CLUL1: variants seen among roughly 807,000 people sequenced by gnomAD.
CLUL1 encodes the protein clusterin like 1, also known as clusterin-like protein 1.
Under a neutral mutation model 49.4 loss-of-function variants are expected in CLUL1, and 43 were observed. That is an observed-to-expected ratio of 0.87 (90% confidence interval 0.68 to 1.12). CLUL1 has a LOEUF of 1.12. Ranked by LOEUF, CLUL1 falls within the 50% of genes most tolerant of loss-of-function variation. The pLI, the probability that CLUL1 is intolerant of heterozygous loss-of-function variation, is 0.00. For missense variants in CLUL1, 486 were observed against 544.4 expected, an observed-to-expected ratio of 0.89 and a Z score of 1.07; for synonymous variants, 192 against 184.9, an observed-to-expected ratio of 1.04 and a Z score of -0.31.
chr18:622,399 C>T (rs1414659273), intron 4 of CLUL1, among the ~76,000 whole-genome samples: 9 of 152,186 alleles, frequency 5.9e-5, no homozygotes, highest in African/African-American at 2.2e-4. Context: ...TCAAGGGATC[C>T]TCCTGCCTCA....
rs764528045 is a variant in CLUL1 at position 649,902 on chromosome 18, G to C, written c.*1G>C. 7.9e-7 allele frequency: 1 copy of C among 1,261,184 alleles called. No homozygotes were observed. The highest frequency in any genetic ancestry group is 1.9e-5 in the Admixed American group (1 of 53,886). 78.1% of individuals were successfully genotyped at this position (1,261,184 alleles called of 1,614,324 possible). A position where few individuals can be genotyped will look rare whatever the true frequency, so the allele number is the denominator to read the frequency against. On this transcript the variant is annotated 3_prime_UTR_variant, in exon 10 of 10. Coordinates refer to ENST00000692774, the MANE Select transcript of CLUL1 (RefSeq NM_001393344.1). Reference sequence around the variant, plus strand: ...GCCTTTTTTTTTTTTTTTAAGGTAAGAAGATCTAATGCATCCTATATCCAG... The same window carrying C: ...GCCTTTTTTTTTTTTTTTAAGGTAACAAGATCTAATGCATCCTATATCCAG...
In CLUL1 at chr18:619,268, T is replaced by C. The variant is rs2073410084; in HGVS notation, c.162T>C (p.Thr54=). The change falls in exon 4 of 10, where the codon ACT becomes ACC. Residue 54 remains threonine (T), a synonymous_variant. Transcript: ENST00000692774. ...ATGAAGAGGTGAAGAAGGCTTTGACTGGTATTAAGCAAATGAAAATCATGA... is the reference window on the plus strand; with the variant it reads ...ATGAAGAGGTGAAGAAGGCTTTGACCGGTATTAAGCAAATGAAAATCATGA... The part of the protein sequence containing the change: ...DADEEVKKAL[T]GIKQMKIMME... 3 of 1,613,760 alleles carry C rather than the reference T, an allele frequency of 1.9e-6. No individual in the cohort carries two copies. Among genetic ancestry groups the C allele is most frequent in the Admixed American group, 1.7e-5 (1 of 59,966 alleles).
chr18:609,643 G>C (rs1305773488), intron 2 of CLUL1, among the ~76,000 whole-genome samples: 1 of 151,986 alleles, frequency 6.6e-6, no homozygotes, highest in Non-Finnish European at 1.5e-5. Context: ...GGCCAACATG[G>C]TGAAACCCTG....
At chr18:629,018 A>G (rs1045517189) in intron 6 of CLUL1, among the ~76,000 whole-genome samples, 16 of 152,172 alleles carry the variant, frequency 1.1e-4, no homozygotes, top group Non-Finnish European at 4.4e-5. Context: ...CATCTGAATC[A>G]GATTCTCAAA....
chr18:612,938 G>T (rs559932734), intron 2 of CLUL1: 1 of 205,150 alleles, frequency 4.9e-6, no homozygotes, highest in African/African-American at 2.3e-5. Flanking sequence ...AAATGTACTT[G>T]ATATTTATAT....
At chr18:628,842 A>G (rs2073898242) in intron 6 of CLUL1, among the ~76,000 whole-genome samples, 1 of 151,932 alleles carries the variant, frequency 6.6e-6, no homozygotes. Context: ...CATGTTGGCC[A>G]GGCTGGTCTC....
intron 2 of CLUL1, among the ~76,000 whole-genome samples, chr18:612,591 A>G (rs983457632): frequency 3.3e-5 from 5 of 152,148 alleles, no homozygotes; most frequent in African/African-American, 1.2e-4. Flanking sequence ...CTCTACTTTC[A>G]GGGATTGTAT....
At chr18:632,662 T>C (rs1013451165) in intron 6 of CLUL1, among the ~76,000 whole-genome samples, 1 of 152,104 alleles carries the variant, frequency 6.6e-6, no homozygotes, top group African/African-American at 2.4e-5. Context: ...CCTTATCAAC[T>C]CCCTCTTCTA....
At position 646,940 on chromosome 18, in the gene CLUL1, A is replaced by G. The variant is rs562700641; in HGVS notation, c.1397+1843A>G. The stretch of plus-strand genomic sequence containing the variant: ...AATTTTTGTGTTTTTTAGTAGAGAC[A>G]GGGTTTCACCATGTTGGCCAGGCTG... On this transcript the variant is annotated intron_variant, in intron 9 of 9. Transcript: ENST00000692774. Among the ~76,000 whole-genome samples the G allele has an allele frequency of 2.3e-3, 344 of 152,024 alleles. 1 individual carries two copies. Among genetic ancestry groups the G allele is most frequent in the Middle Eastern group, 0.01 (3 of 294 alleles).
At chr18:636,027 G>A (rs914556072) in intron 7 of CLUL1, among the ~76,000 whole-genome samples, 7 of 152,062 alleles carry the variant, frequency 4.6e-5, no homozygotes, top group South Asian at 2.1e-4. Context: ...GAGCCATCGC[G>A]CCTGGCCAAC....
At chr18:632,848 TTC>T (rs1383008175) in intron 6 of CLUL1, among the ~76,000 whole-genome samples, 1 of 152,172 alleles carries the variant, frequency 6.6e-6, no homozygotes, top group Non-Finnish European at 1.5e-5. Flanking sequence ...CAACGTGCAT[TTC>T]TGTGTCTAAA....
At chr18:632,077 A>C (rs1488876157) in intron 6 of CLUL1, among the ~76,000 whole-genome samples, 1 of 152,204 alleles carries the variant, frequency 6.6e-6, no homozygotes, top group Non-Finnish European at 1.5e-5. Flanking sequence ...CTGAGGATTT[A>C]ATATGACAGA....
intron 2 of CLUL1, chr18:613,107 C>G: frequency 2.6e-6 from 1 of 385,092 alleles, no homozygotes; most frequent in East Asian, 3.9e-5. Context: ...CCTACTTTTG[C>G]TACTTATGTT....
At chr18:639,594 G>A (rs1473504090) in intron 7 of CLUL1, among the ~76,000 whole-genome samples, 1 of 151,496 alleles carries the variant, frequency 6.6e-6, no homozygotes, top group South Asian at 2.1e-4. Context: ...GTGAAACCCC[G>A]TCTCTACTAA....
chr18:627,232 T>C lies in CLUL1; in HGVS notation c.559T>C (p.Leu187=), dbSNP rs1396643147. 4 of 1,614,014 alleles carry C rather than the reference T, an allele frequency of 2.5e-6. No homozygotes were observed. The highest frequency in any genetic ancestry group is 3.4e-6 in the Non-Finnish European group (4 of 1,180,016). The part of the protein sequence containing the change: ...LTQMEDVFSQ[L]TVDVNSLFNR... ...CCAAATGGAGGATGTGTTCAGCCAG[T>C]TGACTGTGGATGTGAATTCTCTCTT... The change falls in exon 6 of 10, where the codon TTG becomes CTG. Residue 187 remains leucine, a synonymous_variant. Transcript: ENST00000692774.
At position 641,326 on chromosome 18, in the gene CLUL1, G is replaced by C. The variant is rs1271496054; in HGVS notation, c.995-1G>C. On this transcript the variant is annotated splice_acceptor_variant, in intron 7 of 9. Coordinates refer to ENST00000692774, the MANE Select transcript of CLUL1 (RefSeq NM_001393344.1). LOFTEE classifies it high-confidence loss of function. ...CTCCACATTACTTTCTTCTCTGCTA[G>C]ACTGTCCTGATGTACCTGCTCTGCA... 7.4e-6 allele frequency: 12 copies of C among 1,614,040 alleles called. No homozygotes were observed. The highest frequency in any genetic ancestry group is 3.3e-5 in the Admixed American group (2 of 60,014).
At chr18:600,619 G>A (rs1294165202) in intron 1 of CLUL1, among the ~76,000 whole-genome samples, 2 of 152,318 alleles carry the variant, frequency 1.3e-5, no homozygotes, top group African/African-American at 4.8e-5. Flanking sequence ...CTAGAAATAT[G>A]CTAGAGTACG....
At position 606,198 on chromosome 18, in the gene CLUL1, G is replaced by A. The variant is rs2143936537; in HGVS notation, c.-135-780G>A. Among the ~76,000 whole-genome samples the A allele has an allele frequency of 6.6e-6, 1 of 152,240 alleles. No homozygotes were observed. The highest frequency in any genetic ancestry group is 1.9e-4 in the East Asian group (1 of 5,170). On this transcript the variant is annotated intron_variant, in intron 1 of 9. Coordinates refer to ENST00000692774, the MANE Select transcript of CLUL1 (RefSeq NM_001393344.1). The surrounding 1 kb of genome is among the most constrained non-coding windows in gnomAD (Gnocchi z 4.1). ...GGCTTCCCCATGCTCCTAGGTCAGG[G>A]TCCTCTCTTGGCATGACACTACCAC...
chr18:623,690 T>C (rs2073580935), intron 4 of CLUL1, among the ~76,000 whole-genome samples: 1 of 150,398 alleles, frequency 6.6e-6, no homozygotes, highest in African/African-American at 2.4e-5. Flanking sequence ...TCCAAAATTG[T>C]TCTACAAAGT....
Sources: allele counts gnomAD v4.1 joint callset (sites outside exome capture counted in the v4.1 genomes callset), GRCh38; gene constraint gnomAD v4.1.1; non-coding constraint Gnocchi (gnomAD v3.1); transcripts MANE v1.5; gene names NCBI Gene and HGNC (gene_info 2026-07-23, HGNC 2026-07-21).